RUNX1T1: variants seen among roughly 807,000 people sequenced by gnomAD.
RUNX1T1 encodes the protein RUNX1 partner transcriptional co-repressor 1, also known as protein CBFA2T1.
A neutral mutation model predicts 62.8 loss-of-function variants in RUNX1T1; 4 were observed. The observed-to-expected ratio is 0.06, with a 90% confidence interval of 0.03 to 0.15. RUNX1T1 has a LOEUF of 0.15. Among genes scored for constraint, RUNX1T1 ranks in the 10% least tolerant of loss-of-function variants. The pLI, the probability that RUNX1T1 is intolerant of heterozygous loss-of-function variation, is 1.00. For synonymous variants in RUNX1T1, 291 were observed against 286.0 expected, an observed-to-expected ratio of 1.02 and a Z score of -0.18; for missense variants, 508 against 754.3, an observed-to-expected ratio of 0.67 and a Z score of 3.82.
At chr8:92,078,517 A>G (rs1834766424) in intron 1 of RUNX1T1, among the ~76,000 whole-genome samples, 1 of 152,162 alleles carries the variant, frequency 6.6e-6, no homozygotes, top group East Asian at 1.9e-4. Context: ...CTCCACCAAG[A>G]GCAGAATGCC....
At chr8:92,057,389 T>C (rs1328033132) in intron 1 of RUNX1T1, among the ~76,000 whole-genome samples, 1 of 152,220 alleles carries the variant, frequency 6.6e-6, no homozygotes, top group Non-Finnish European at 1.5e-5. Flanking sequence ...CCTATGTCCT[T>C]GGGCAAACTG....
At chr8:92,035,750 G>T (rs2131354558) in intron 1 of RUNX1T1, among the ~76,000 whole-genome samples, 1 of 150,426 alleles carries the variant, frequency 6.6e-6, no homozygotes, top group South Asian at 2.1e-4. Flanking sequence ...AATCAAGATT[G>T]CCTTAGCAGG....
intron 2 of RUNX1T1, among the ~76,000 whole-genome samples, chr8:92,073,257 G>C (rs969589088): frequency 6.6e-6 from 1 of 152,164 alleles, no homozygotes; most frequent in Non-Finnish European, 1.5e-5. Flanking sequence ...ACCAAGCACT[G>C]TGTGTACCTT....
chr8:92,046,417 G>A (rs1829415556), intron 1 of RUNX1T1, among the ~76,000 whole-genome samples: 2 of 152,080 alleles, frequency 1.3e-5, no homozygotes, highest in South Asian at 4.2e-4. Flanking sequence ...TACATAGAGC[G>A]CAGTGGCACA....
At chr8:92,026,057 T>C (rs1226010928) in intron 1 of RUNX1T1, among the ~76,000 whole-genome samples, 1 of 152,230 alleles carries the variant, frequency 6.6e-6, no homozygotes, top group Non-Finnish European at 1.5e-5. Flanking sequence ...GAGAAAAGCA[T>C]ATTGTGAACC....
chr8:91,965,869 G>C (rs546007384), intron 10 of RUNX1T1, among the ~76,000 whole-genome samples: 2 of 151,676 alleles, frequency 1.3e-5, no homozygotes, highest in African/African-American at 2.4e-5. Context: ...TTCCTCTTTC[G>C]TTCTTACATA....
At position 92,028,734 on chromosome 8, in the gene RUNX1T1, C is replaced by T. The variant is rs1370594162; in HGVS notation, c.8-11371G>A. On this transcript the variant is annotated intron_variant, in intron 1 of 10. Coordinates refer to ENST00000396218, the Ensembl canonical transcript of RUNX1T1. The stretch of plus-strand genomic sequence containing the variant: ...ATACTTAGGAAGGAAAACTAAGTTG[C>T]CCAAATAACAGAAGTCACTCCTCCT... 2.0e-5 allele frequency among the ~76,000 whole-genome samples: 3 copies of T among 152,088 alleles called. No homozygotes were observed. In the East Asian group the frequency reaches 5.8e-4, roughly 29 times the overall value.
At chr8:91,987,337 C>T (rs1381621720) in intron 6 of RUNX1T1, among the ~76,000 whole-genome samples, 1 of 152,062 alleles carries the variant, frequency 6.6e-6, no homozygotes, top group Non-Finnish European at 1.5e-5. Flanking sequence ...GTTTTTAAAG[C>T]ATTGCTGTCC....
intron 2 of RUNX1T1, among the ~76,000 whole-genome samples, chr8:92,068,498 C>A (rs1481376213): frequency 6.6e-6 from 1 of 152,130 alleles, no homozygotes; most frequent in Non-Finnish European, 1.5e-5. Context: ...ACACTGCAGG[C>A]AAAATCGGAG....
At chr8:92,066,217 C>G (rs762822006), upstream of RUNX1T1, among the ~76,000 whole-genome samples, 3 of 152,152 alleles carry the variant, frequency 2.0e-5, no homozygotes. Flanking sequence ...GATGAATGGT[C>G]ATTAAGACCC....
chr8:92,003,453 C>T (rs1444352437), intron 5 of RUNX1T1: 1 of 448,560 alleles, frequency 2.2e-6, no homozygotes, highest in Non-Finnish European at 4.5e-6. Context: ...TTCAGAATGC[C>T]AGAGTAAGTT....
At chr8:91,988,514 G>A (rs2130847897) in intron 6 of RUNX1T1, among the ~76,000 whole-genome samples, 1 of 152,214 alleles carries the variant, frequency 6.6e-6, no homozygotes, top group South Asian at 2.1e-4. Context: ...CTGGGTTTTA[G>A]AGAAAAACCA....
intron 8 of RUNX1T1, among the ~76,000 whole-genome samples, chr8:91,981,214 G>C (rs1457655310): frequency 6.6e-6 from 1 of 151,992 alleles, no homozygotes; most frequent in African/African-American, 2.4e-5. Flanking sequence ...AAATTCTACT[G>C]ACTGAGTTTG....
At chr8:92,060,046 T>C (rs1012669073) in intron 1 of RUNX1T1, among the ~76,000 whole-genome samples, 1 of 152,106 alleles carries the variant, frequency 6.6e-6, no homozygotes, top group Non-Finnish European at 1.5e-5. Flanking sequence ...CAAAGATTCA[T>C]AAAAATATAA....
chr8:92,065,323 C>T (rs1488740658), upstream of RUNX1T1, among the ~76,000 whole-genome samples: 1 of 152,088 alleles, frequency 6.6e-6, no homozygotes, highest in African/African-American at 2.4e-5. Context: ...AAAGTTTTCT[C>T]CAGTACAAAA....
At chr8:92,018,500 T>C (rs1349809665) in intron 1 of RUNX1T1, among the ~76,000 whole-genome samples, 1 of 152,214 alleles carries the variant, frequency 6.6e-6, no homozygotes, top group Admixed American at 6.5e-5. Context: ...CAACGTATTT[T>C]GAGGCACCTC....
chr8:91,970,043 T>TGTGTGTGTTG lies in RUNX1T1; in HGVS notation c.1458+614_1458+615insCAACACACAC, dbSNP rs11374252. Among the ~76,000 whole-genome samples, 424 of 142,804 alleles carry TGTGTGTGTTG rather than the reference T, an allele frequency of 3.0e-3. 2 individuals are homozygous for TGTGTGTGTTG. The highest frequency in any genetic ancestry group is 0.011 in the African/African-American group (400 of 37,802). The allele number at this position is 142,804 out of a possible 152,430, so 93.7% of individuals were successfully genotyped here. On this transcript the variant is annotated intron_variant, in intron 10 of 10. Transcript: ENST00000396218. ...CTGTGTGTGTGTGTGTGTGTGTGTG[T>TGTGTGTGTTG]TGTGTGTGTGTGTGTGAGAATTATT... is the stretch of plus-strand genomic sequence containing the variant.
intron 1 of RUNX1T1, among the ~76,000 whole-genome samples, chr8:92,055,591 G>T (rs1317696798): frequency 6.6e-6 from 1 of 152,060 alleles, no homozygotes; most frequent in Non-Finnish European, 1.5e-5. Flanking sequence ...ACAAGCACGT[G>T]CCACCACGCC....
At chr8:92,061,768 T>C (rs1455581366) in intron 1 of RUNX1T1, among the ~76,000 whole-genome samples, 1 of 152,148 alleles carries the variant, frequency 6.6e-6, no homozygotes, top group Non-Finnish European at 1.5e-5. Context: ...GATCTCTATC[T>C]GCCCTGTCTT....
Sources: gnomAD v4.1 joint callset for allele counts (sites outside exome capture counted in the v4.1 genomes callset) on GRCh38, gnomAD v4.1.1 for gene constraint, MANE v1.5 for transcripts, NCBI Gene and HGNC (gene_info 2026-07-23, HGNC 2026-07-21) for gene names.